The following HNRNPA1L2 variants were observed in gnomAD, a reference collection of about 807,000 sequenced individuals.
HNRNPA1L2 encodes heterogeneous nuclear ribonucleoprotein A1 like 2.
In HNRNPA1L2, 10 loss-of-function variants were observed where a neutral mutation model predicts 18.2. That is an observed-to-expected ratio of 0.55 (90% CI 0.34 to 0.93). The LOEUF is 0.93. HNRNPA1L2 is among the 40% of genes least tolerant of loss of function. HNRNPA1L2 has a pLI of 0.02. For synonymous variants in HNRNPA1L2, 124 were observed against 138.6 expected (o/e 0.89, Z 0.74); for missense variants, 308 against 394.4 (o/e 0.78, Z 1.85).
At chr13:52,630,867 T>C in the HNRNPA1L2 span, among the ~76,000 whole-genome samples, 11 of 152,250 alleles carry the variant, frequency 7.2e-5, no homozygotes, top group South Asian at 2.1e-4. Context: ...AATGTTTAAC[T>C]GAGTCAGTTA....
At chr13:52,639,492 A>G (rs540530220), upstream of HNRNPA1L2, among the ~76,000 whole-genome samples, 1 of 152,306 alleles carries the variant, frequency 6.6e-6, no homozygotes, top group East Asian at 1.9e-4. Context: ...ATTGGAGAGC[A>G]GAAGCAGGTC....
chr13:52,643,116 T>C lies in HNRNPA1L2; in HGVS notation c.624T>C (p.Asp208=). ...GAAACTTTGGTGGTGGTCGTGGAGATGGTTTCGGTGGGAATGACAACTTTG... is the reference window on the plus strand; with the variant it reads ...GAAACTTTGGTGGTGGTCGTGGAGACGGTTTCGGTGGGAATGACAACTTTG... The part of the protein sequence containing the change: ...GSGNFGGGRG[D]GFGGNDNFGR... Residue 208 remains aspartate (D), a synonymous_variant, in exon 1 of 1, where the codon GAT becomes GAC. Transcript: ENST00000357495. 1 of 1,597,920 alleles carries C rather than the reference T, an allele frequency of 6.3e-7. No individual in the cohort carries two copies. Among genetic ancestry groups the C allele is most frequent in the South Asian group, 1.1e-5 (1 of 90,992 alleles).
the HNRNPA1L2 span, among the ~76,000 whole-genome samples, chr13:52,621,545 C>T: frequency 5.3e-5 from 8 of 152,000 alleles, no homozygotes; most frequent in African/African-American, 9.7e-5. Context: ...GTTTTTCTAC[C>T]GAACTCTGGG....
At chr13:52,638,493 A>C (rs1961534919), upstream of HNRNPA1L2, among the ~76,000 whole-genome samples, 1 of 147,628 alleles carries the variant, frequency 6.8e-6, no homozygotes, top group Admixed American at 6.6e-5. Flanking sequence ...AGAATGTATT[A>C]TCCTTAGATT....
the HNRNPA1L2 span, chr13:52,622,328 C>A: frequency 6.6e-6 from 1 of 152,350 alleles, no homozygotes; most frequent in African/African-American, 2.4e-5. Flanking sequence ...TAAGCTTTTT[C>A]TTTTTGCAAA....
the HNRNPA1L2 span, among the ~76,000 whole-genome samples, chr13:52,636,452 A>T: frequency 1.3e-5 from 2 of 152,252 alleles, no homozygotes; most frequent in Non-Finnish European, 2.9e-5. Flanking sequence ...AAAGTAAAAA[A>T]GTTATTGAAA....
At chr13:52,635,650 C>A in the HNRNPA1L2 span, among the ~76,000 whole-genome samples, 1 of 151,052 alleles carries the variant, frequency 6.6e-6, no homozygotes, top group African/African-American at 2.4e-5. Context: ...GATCTGCTTT[C>A]TGTTAAAATA....
the HNRNPA1L2 span, among the ~76,000 whole-genome samples, chr13:52,631,419 T>C: frequency 2.6e-5 from 4 of 152,226 alleles, no homozygotes; most frequent in Non-Finnish European, 4.4e-5. Context: ...ATTCCTCTTT[T>C]GAAGTTCAGT....
the HNRNPA1L2 span, among the ~76,000 whole-genome samples, chr13:52,622,787 C>G: frequency 1.3e-5 from 2 of 151,900 alleles, no homozygotes; most frequent in African/African-American, 4.8e-5. Context: ...ATTACTTGTG[C>G]TTGTCAAAAG....
chr13:52,617,634 C>A, the HNRNPA1L2 span: 1 of 470,554 alleles, frequency 2.1e-6, no homozygotes. Context: ...AGCCCGGAGA[C>A]ATCAGCGGCT....
At chr13:52,618,351 G>A in the HNRNPA1L2 span, among the ~76,000 whole-genome samples, 1 of 152,226 alleles carries the variant, frequency 6.6e-6, no homozygotes, top group Admixed American at 6.5e-5. Context: ...AGCATACTTG[G>A]TTTTGCTGTT....
the HNRNPA1L2 span, among the ~76,000 whole-genome samples, chr13:52,628,480 A>T: frequency 2.0e-5 from 3 of 152,138 alleles, no homozygotes; most frequent in Admixed American, 6.5e-5. Context: ...AAAACCATAA[A>T]TATCTGTACT....
At chr13:52,624,231 A>G in the HNRNPA1L2 span, among the ~76,000 whole-genome samples, 3 of 152,176 alleles carry the variant, frequency 2.0e-5, no homozygotes, top group Non-Finnish European at 4.4e-5. Context: ...TCTCTGCCTC[A>G]GCCTCCCGAG....
chr13:52,624,726 T>C, the HNRNPA1L2 span, among the ~76,000 whole-genome samples: 2 of 152,334 alleles, frequency 1.3e-5, no homozygotes, highest in East Asian at 3.9e-4. Flanking sequence ...AATCTAGAGA[T>C]GATTTAAAAG....
At position 52,642,582 on chromosome 13, in the gene HNRNPA1L2, G is replaced by C; in HGVS notation, c.90G>C (p.Leu30=). 1 of 1,611,968 alleles carries C rather than the reference G, an allele frequency of 6.2e-7. No homozygotes were observed. Among genetic ancestry groups the C allele is most frequent in the Non-Finnish European group, 8.5e-7 (1 of 1,179,852 alleles). Residue 30 remains leucine, a synonymous_variant, in exon 1 of 1, where the codon CTG becomes CTC. Coordinates refer to ENST00000357495, the MANE Select transcript of HNRNPA1L2 (RefSeq NM_001389320.1). ...GCTTTGAAACAACTGATGAGAGCCTGAGGAGCCATTTTGAGCAATGGGGAA... is the reference window on the plus strand; with the variant it reads ...GCTTTGAAACAACTGATGAGAGCCTCAGGAGCCATTTTGAGCAATGGGGAA... The part of the protein sequence containing the change: ...GLSFETTDES[L]RSHFEQWGTL...
chr13:52,633,269 A>G, the HNRNPA1L2 span, among the ~76,000 whole-genome samples: 9 of 152,230 alleles, frequency 5.9e-5, no homozygotes, highest in Non-Finnish European at 4.4e-5. Context: ...GAAGTGATTT[A>G]GTGATTGTTC....
the HNRNPA1L2 span, among the ~76,000 whole-genome samples, chr13:52,629,039 C>A: frequency 2.0e-5 from 3 of 152,088 alleles, no homozygotes; most frequent in South Asian, 2.1e-4. Context: ...CTGTGCCCAG[C>A]TAATTTTGTA....
At chr13:52,624,146 G>A in the HNRNPA1L2 span, among the ~76,000 whole-genome samples, 2 of 152,100 alleles carry the variant, frequency 1.3e-5, no homozygotes, top group African/African-American at 2.4e-5. Context: ...ATGGAGTCTC[G>A]CTCTGTCACC....
chr13:52,643,362 C>T lies in HNRNPA1L2; in HGVS notation c.870C>T (p.Gly290=), dbSNP rs372381357. The T allele has an allele frequency of 3.5e-5, 56 of 1,598,372 alleles. No homozygotes were observed. Among genetic ancestry groups the T allele is most frequent in the South Asian group, 1.2e-4 (11 of 91,040 alleles). ...NFGGRSSGPY[G]GGGQYFAKPQ... ...GAGGCAGAAGCTCTGGCCCCTATGG[C>T]GGTGGAGGCCAATACTTTGCAAAAC... The change falls in exon 1 of 1, where the codon GGC becomes GGT. Residue 290 remains glycine (G), a synonymous_variant. Transcript: ENST00000357495.
Sources: gnomAD v4.1 joint callset for allele counts (sites outside exome capture counted in the v4.1 genomes callset) on GRCh38, gnomAD v4.1.1 for gene constraint, MANE v1.5 for transcripts, NCBI Gene and HGNC (gene_info 2026-07-23, HGNC 2026-07-21) for gene names.